TRHDE: variants seen among roughly 807,000 people sequenced by gnomAD.
The protein encoded by TRHDE is thyrotropin releasing hormone degrading enzyme.
A neutral mutation model predicts 125.7 loss-of-function variants in TRHDE; 72 were observed. That is an observed-to-expected ratio of 0.57 (90% CI 0.47 to 0.70). The LOEUF (loss-of-function observed/expected upper bound fraction) is 0.70, where lower values mean the gene tolerates loss of function less well. Ranked by LOEUF, TRHDE falls within the 30% of genes least tolerant of loss-of-function variation. TRHDE has a pLI of 0.00. For synonymous variants in TRHDE, 509 were observed against 509.1 expected, an observed-to-expected ratio of 1.00 and a Z score of 0.00; for missense variants, 1,110 against 1,327.1, an observed-to-expected ratio of 0.84 and a Z score of 2.54.
chr12:72,542,971 G>A (rs1174980032), intron 7 of TRHDE, among the ~76,000 whole-genome samples: 1 of 151,264 alleles, frequency 6.6e-6, no homozygotes, highest in African/African-American at 2.4e-5. Context: ...GCAGACACAA[G>A]TATACTGAAA....
intron 3 of TRHDE, among the ~76,000 whole-genome samples, chr12:72,380,847 TTCTC>T (rs368233208): frequency 1.5e-3 from 208 of 139,282 alleles, no homozygotes; most frequent in African/African-American, 5.1e-3. Context: ...CCCTCCCTCC[TTCTC>T]TCTCTCTCTT....
Position 72,582,562 on chromosome 12 carries a change from A to G in TRHDE, c.2321+7020A>G, listed in dbSNP as rs1041482880. 6.2e-5 allele frequency: 61 copies of G among 985,314 alleles called. No individual in the cohort carries two copies. The African/African-American group carries it at 9.6e-4, about 16-fold the overall frequency. The allele number at this position is 985,314 out of a possible 1,614,324, so 61.0% of individuals were successfully genotyped here. On this transcript the variant is annotated intron_variant, in intron 12 of 18. Transcript: ENST00000261180. ...CATTTTTTCACTTATTGCAGTAAAT[A>G]GTAGTATAATGTGCCTGAAAAGCAA...
intron 2 of TRHDE, among the ~76,000 whole-genome samples, chr12:72,262,327 G>GCTCTGAACATTTAAAAGGAAA (rs1348027821): frequency 6.6e-6 from 1 of 152,102 alleles, no homozygotes; most frequent in Non-Finnish European, 1.5e-5. Flanking sequence ...TATAGCTCCT[G>GCTCTGAACATTTAAAAGGAAA]CTCTGAACAT....
chr12:72,143,159 C>G (rs1876155076), intron 2 of TRHDE, among the ~76,000 whole-genome samples: 1 of 152,152 alleles, frequency 6.6e-6, no homozygotes, highest in African/African-American at 2.4e-5. Context: ...GAGCCCAAAG[C>G]ACTCATCCTG....
chr12:72,286,874 C>G lies in TRHDE; in HGVS notation c.1108C>G (p.Pro370Ala), dbSNP rs146173786. ...GGTTACGGATCACTTTTCACAGACC[C>G]CTCTCATGTCCACATATTATTTAGC... Reference protein sequence around the residue: ...GWVTDHFSQTPLMSTYYLAWA... With the variant: ...GWVTDHFSQTALMSTYYLAWA... Residue 370 changes from proline to alanine, a missense_variant, in exon 2 of 19, where the codon CCT becomes GCT. This residue lies in a region of TRHDE where 252 missense variants were observed against 274.8 expected (regional missense o/e 0.92). Transcript: ENST00000261180. 1.4e-5 allele frequency: 22 copies of G among 1,613,690 alleles called. No homozygotes were observed. The African/African-American group carries it at 1.5e-4, about 11-fold the overall frequency.
chr12:72,159,141 A>G (rs995846918), intron 2 of TRHDE, among the ~76,000 whole-genome samples: 1 of 152,230 alleles, frequency 6.6e-6, no homozygotes, highest in African/African-American at 2.4e-5. Context: ...TGTACCAATC[A>G]CTAGCAAATG....
intron 4 of TRHDE, among the ~76,000 whole-genome samples, chr12:72,472,271 G>A (rs965166722): frequency 7.2e-5 from 11 of 151,938 alleles, no homozygotes; most frequent in Non-Finnish European, 1.0e-4. Flanking sequence ...ACTGAATCTC[G>A]TCTTTAGGCT....
At chr12:72,472,656 T>C (rs538262556) in intron 4 of TRHDE, among the ~76,000 whole-genome samples, 1 of 152,306 alleles carries the variant, frequency 6.6e-6, no homozygotes, top group South Asian at 2.1e-4. Flanking sequence ...TTTTCTGCGT[T>C]TTCAGCAGAC....
intron 3 of TRHDE, among the ~76,000 whole-genome samples, chr12:72,408,861 G>A (rs1255602535): frequency 6.6e-6 from 1 of 152,012 alleles, no homozygotes; most frequent in Non-Finnish European, 1.5e-5. Flanking sequence ...ATATAAAAGA[G>A]ACAATAAAAA....
intron 5 of TRHDE, among the ~76,000 whole-genome samples, chr12:72,489,928 G>T (rs1877585395): frequency 6.6e-6 from 1 of 151,756 alleles, no homozygotes; most frequent in South Asian, 2.1e-4. Context: ...GGACATTGTT[G>T]TTAACAACGA....
At position 72,568,551 on chromosome 12, in the gene TRHDE, T is replaced by C. The variant is rs747280301; in HGVS notation, c.2043-17T>C. 5.7e-6 allele frequency: 9 copies of C among 1,572,728 alleles called. No homozygotes were observed. Among genetic ancestry groups the C allele is most frequent in the Non-Finnish European group, 7.0e-6 (8 of 1,147,634 alleles). ...TATAGTTATTTTTATTCTTAAAGCT[T>C]GTCTTTTATTTTGCAGTTACCTGTG... is the stretch of plus-strand genomic sequence containing the variant. On this transcript the variant is annotated splice_polypyrimidine_tract_variant and intron_variant, in intron 9 of 18. Coordinates refer to ENST00000261180, the MANE Select transcript of TRHDE (RefSeq NM_013381.3).
intron 3 of TRHDE, among the ~76,000 whole-genome samples, chr12:72,456,123 G>A: frequency 8.2e-6 from 1 of 122,158 alleles, no homozygotes; most frequent in Non-Finnish European, 1.7e-5. Flanking sequence ...AATATAATAT[G>A]TAATTACACA....
intron 2 of TRHDE, among the ~76,000 whole-genome samples, chr12:72,336,612 C>G (rs1869840686): frequency 6.6e-6 from 1 of 152,106 alleles, no homozygotes; most frequent in Non-Finnish European, 1.5e-5. Context: ...ACAGTAGAAG[C>G]GTATTTGGCT....
chr12:72,120,937 C>G (rs1875567448), intron 2 of TRHDE, among the ~76,000 whole-genome samples: 1 of 152,096 alleles, frequency 6.6e-6, no homozygotes, highest in South Asian at 2.1e-4. Flanking sequence ...CTCAGCCTCC[C>G]AAAGTGCTGG....
At chr12:72,327,703 C>T (rs1172213011) in intron 2 of TRHDE, among the ~76,000 whole-genome samples, 1 of 151,882 alleles carries the variant, frequency 6.6e-6, no homozygotes, top group African/African-American at 2.4e-5. Flanking sequence ...CTTCTTAAAT[C>T]TTGGATGAAA....
At chr12:72,374,307 G>T (rs1871773199) in intron 2 of TRHDE, among the ~76,000 whole-genome samples, 2 of 150,652 alleles carry the variant, frequency 1.3e-5, no homozygotes, top group South Asian at 4.2e-4. Context: ...GTGTGTGTGT[G>T]TGTGTGTGTG....
intron 3 of TRHDE, among the ~76,000 whole-genome samples, chr12:72,408,421 G>GT (rs1340019634): frequency 1.3e-5 from 2 of 152,090 alleles, no homozygotes; most frequent in South Asian, 2.1e-4. Flanking sequence ...AAATTAAAAT[G>GT]TTTTTTGCAG....
intron 12 of TRHDE, among the ~76,000 whole-genome samples, chr12:72,602,276 AAC>A (rs1209418656): frequency 1.3e-5 from 2 of 152,228 alleles, no homozygotes; most frequent in Admixed American, 6.5e-5. Context: ...GAGAGAAAAA[AAC>A]AGAGACAGAC....
intron 2 of TRHDE, among the ~76,000 whole-genome samples, chr12:72,227,691 CA>C (rs1356325119): frequency 3.3e-5 from 5 of 152,306 alleles, no homozygotes; most frequent in African/African-American, 1.2e-4. Flanking sequence ...TGAGACACAG[CA>C]AATCCCTTCT....
Sources: gnomAD v4.1 joint callset for allele counts (sites outside exome capture counted in the v4.1 genomes callset) on GRCh38, gnomAD v4.1.1 for gene constraint, gnomAD v4.1.1 regional missense constraint, MANE v1.5 for transcripts, NCBI Gene and HGNC (gene_info 2026-07-23, HGNC 2026-07-21) for gene names.